Variants in STK24 observed in about 807,000 individuals in gnomAD.
The protein encoded by STK24 is serine/threonine-protein kinase 24.
Under a neutral mutation model 55.6 loss-of-function variants are expected in STK24, and 21 were observed. The observed-to-expected ratio is 0.38, with a 90% CI of 0.27 to 0.54. The LOEUF (loss-of-function observed/expected upper bound fraction) is 0.54, where lower values mean the gene tolerates loss of function less well. Ranked by LOEUF, STK24 falls within the 20% of genes least tolerant of loss-of-function variation. STK24 has a pLI of 0.79. For missense variants in STK24, 383 were observed against 538.4 expected (o/e 0.71, Z 2.86); for synonymous variants, 200 against 215.2 (o/e 0.93, Z 0.62).
At chr13:98,535,165 G>A (rs1337515411) in intron 1 of STK24, among the ~76,000 whole-genome samples, 3 of 151,980 alleles carry the variant, frequency 2.0e-5, no homozygotes, top group Non-Finnish European at 4.4e-5. Context: ...CCTGACCAGC[G>A]TGTATTTACT....
At chr13:98,486,735 G>A (rs1383249873) in intron 2 of STK24, among the ~76,000 whole-genome samples, 1 of 152,162 alleles carries the variant, frequency 6.6e-6, no homozygotes, top group Non-Finnish European at 1.5e-5. Flanking sequence ...CACGATGGAC[G>A]CTGACAAATC....
At chr13:98,544,657 C>T (rs1331251899) in intron 1 of STK24, among the ~76,000 whole-genome samples, 1 of 152,174 alleles carries the variant, frequency 6.6e-6, no homozygotes, top group East Asian at 1.9e-4. Context: ...GAATCCACAC[C>T]GAGGCATGCG....
intron 1 of STK24, among the ~76,000 whole-genome samples, chr13:98,559,133 C>T (rs1220164868): frequency 6.6e-6 from 1 of 151,130 alleles, no homozygotes; most frequent in Non-Finnish European, 1.5e-5. Flanking sequence ...GAGGTTGCAC[C>T]ATTGCACTCC....
rs918905955 is a variant in STK24 at position 98,450,124 on chromosome 13, A to AAAT, written c.*3046_*3048dup. ...CTCTGCTTCCTGTGTGCCCTCAAGA[A>AAAT]AATACTAGTGTGGGTAACAGTCCAT... is the stretch of plus-strand genomic sequence containing the variant. On this transcript the variant is annotated 3_prime_UTR_variant, in exon 11 of 11. Coordinates refer to ENST00000539966, the MANE Select transcript of STK24 (RefSeq NM_001032296.4). 6.6e-6 allele frequency: 1 copy of AAAT among 152,238 alleles called. No individual in the cohort carries two copies. The highest frequency in any genetic ancestry group is 2.4e-5 in the African/African-American group (1 of 41,462). 9.4% of individuals were successfully genotyped at this position (152,238 alleles called of 1,614,324 possible). A position where few individuals can be genotyped will look rare whatever the true frequency, so the allele number is the denominator to read the frequency against.
At chr13:98,546,564 C>G (rs78570511) in intron 1 of STK24, among the ~76,000 whole-genome samples, 1 of 152,212 alleles carries the variant, frequency 6.6e-6, no homozygotes, top group Non-Finnish European at 1.5e-5. Context: ...AGATGGGCTG[C>G]GTGTCCTTCC....
intron 1 of STK24, among the ~76,000 whole-genome samples, chr13:98,526,467 A>T (rs1427790387): frequency 6.6e-6 from 1 of 152,120 alleles, no homozygotes; most frequent in Non-Finnish European, 1.5e-5. Flanking sequence ...GAGCAAACTG[A>T]GCAGAAGAGA....
At chr13:98,542,322 C>T (rs150672827) in intron 1 of STK24, among the ~76,000 whole-genome samples, 3,554 of 152,218 alleles carry the variant, frequency 0.023, 68 homozygotes, top group Non-Finnish European at 0.036. Flanking sequence ...TTCCAGCCAA[C>T]TCTCTCGTCT....
rs1397405115 is a variant in STK24 at position 98,446,118 on chromosome 13, G to T, written c.*7055C>A. 6.2e-7 allele frequency: 1 copy of T among 1,613,790 alleles called. No homozygotes were observed. Among genetic ancestry groups the T allele is most frequent in the Non-Finnish European group, 8.5e-7 (1 of 1,179,768 alleles). Reference sequence around the variant, plus strand: ...TTCAGAATCAGTTGTCTGGAAACCTGCTGAGGAAATTCAAAAACAGCAACG... The same window carrying T: ...TTCAGAATCAGTTGTCTGGAAACCTTCTGAGGAAATTCAAAAACAGCAACG... On this transcript the variant is annotated 3_prime_UTR_variant, in exon 11 of 11. Coordinates refer to ENST00000539966, the MANE Select transcript of STK24 (RefSeq NM_001032296.4).
chr13:98,468,536 CAAG>C (rs1369570566), intron 5 of STK24, among the ~76,000 whole-genome samples: 2 of 152,176 alleles, frequency 1.3e-5, no homozygotes, highest in Non-Finnish European at 2.9e-5. Context: ...AGGGGAGAGG[CAAG>C]AACAGAGGTG....
chr13:98,529,694 C>G (rs575537206), intron 1 of STK24, among the ~76,000 whole-genome samples: 2 of 152,078 alleles, frequency 1.3e-5, no homozygotes, highest in African/African-American at 4.8e-5. Flanking sequence ...GACAAACAAA[C>G]CACCAAACAG....
At chr13:98,476,672 T>C (rs1300807859) in intron 3 of STK24, among the ~76,000 whole-genome samples, 1 of 152,088 alleles carries the variant, frequency 6.6e-6, no homozygotes, top group Non-Finnish European at 1.5e-5. Context: ...TGGGGTGCAG[T>C]GTGGGGGCAA....
chr13:98,512,299 T>A (rs527877473), intron 2 of STK24, among the ~76,000 whole-genome samples: 2 of 152,214 alleles, frequency 1.3e-5, no homozygotes, highest in African/African-American at 4.8e-5. Flanking sequence ...CAGAAAAGGA[T>A]CTTACATAGG....
intron 1 of STK24, among the ~76,000 whole-genome samples, chr13:98,571,691 G>A (rs1218797385): frequency 1.3e-5 from 2 of 152,120 alleles, no homozygotes. Context: ...GTAACTAACA[G>A]TAACTGAGTA....
At chr13:98,543,805 G>A (rs1426189086) in intron 1 of STK24, among the ~76,000 whole-genome samples, 2 of 152,168 alleles carry the variant, frequency 1.3e-5, no homozygotes, top group Non-Finnish European at 2.9e-5. Context: ...TCTATTGAAC[G>A]GATCACCGCC....
intron 1 of STK24, among the ~76,000 whole-genome samples, chr13:98,530,757 G>A (rs1342292855): frequency 6.6e-6 from 1 of 152,200 alleles, no homozygotes; most frequent in Non-Finnish European, 1.5e-5. Context: ...GATCAAACCT[G>A]CCGGCAACGT....
At chr13:98,473,424 C>CA (rs1386970293) in intron 5 of STK24, among the ~76,000 whole-genome samples, 6 of 150,726 alleles carry the variant, frequency 4.0e-5, no homozygotes, top group African/African-American at 1.2e-4. Context: ...TCAGCCTTGC[C>CA]AAAATCTACA....
At chr13:98,520,820 C>T (rs747231921) in intron 1 of STK24, among the ~76,000 whole-genome samples, 5 of 152,226 alleles carry the variant, frequency 3.3e-5, no homozygotes, top group Admixed American at 6.5e-5. Flanking sequence ...ATGGCAACAA[C>T]GCACATATCG....
At chr13:98,455,648 C>T (rs1893422852) in intron 10 of STK24, 1 of 152,324 alleles carries the variant, frequency 6.6e-6, no homozygotes, top group South Asian at 2.1e-4. Flanking sequence ...GAGATAGGGG[C>T]CTGGGAATGG....
chr13:98,494,734 T>C (rs1373306283), intron 2 of STK24, among the ~76,000 whole-genome samples: 1 of 152,216 alleles, frequency 6.6e-6, no homozygotes, highest in Non-Finnish European at 1.5e-5. Flanking sequence ...CTGTCAGTTA[T>C]GTAAATCAAT....
Sources: allele counts gnomAD v4.1 joint callset (sites outside exome capture counted in the v4.1 genomes callset), GRCh38; gene constraint gnomAD v4.1.1; transcripts MANE v1.5; gene names NCBI Gene and HGNC (gene_info 2026-07-23, HGNC 2026-07-21).